ST8SIA6: variants seen among roughly 807,000 people sequenced by gnomAD.
ST8SIA6 encodes ST8 alpha-N-acetyl-neuraminide alpha-2,8-sialyltransferase 6, also known as alpha-2,8-sialyltransferase 8F.
Under a neutral mutation model 33.6 loss-of-function variants are expected in ST8SIA6, and 39 were observed. That is an observed-to-expected ratio of 1.16 (90% CI 0.90 to 1.52). The LOEUF is 1.52. Ranked by LOEUF, ST8SIA6 falls within the 40% of genes most tolerant of loss-of-function variation. The probability of loss-of-function intolerance (pLI) is 0.00; values close to 1 mark genes in which losing one functional copy is unlikely to be tolerated. For synonymous variants in ST8SIA6, 172 were observed against 167.2 expected (o/e 1.03, Z -0.22); for missense variants, 441 against 443.8 (o/e 0.99, Z 0.06).
At chr10:17,333,693 ATATATATATATATATATATATATAT>A (rs1167875374) in intron 4 of ST8SIA6, among the ~76,000 whole-genome samples, 4 of 20,208 alleles carry the variant, frequency 2.0e-4, no homozygotes, top group Non-Finnish European at 2.7e-4. Flanking sequence ...ATATATATAT[ATATATATATATATATATATATATAT>A]TTTTTTTTTT....
chr10:17,370,140 C>G (rs531007358), intron 3 of ST8SIA6, among the ~76,000 whole-genome samples: 1 of 152,192 alleles, frequency 6.6e-6, no homozygotes, highest in Non-Finnish European at 1.5e-5. Flanking sequence ...GCCACCACAC[C>G]TGGCTAATTT....
chr10:17,371,159 A>G (rs998665902), intron 3 of ST8SIA6, among the ~76,000 whole-genome samples: 1 of 152,186 alleles, frequency 6.6e-6, no homozygotes, highest in Non-Finnish European at 1.5e-5. Context: ...GGCCCAAGGA[A>G]CTGACAGGAT....
At chr10:17,428,572 G>A (rs1852006209) in intron 2 of ST8SIA6, among the ~76,000 whole-genome samples, 1 of 152,036 alleles carries the variant, frequency 6.6e-6, no homozygotes, top group East Asian at 1.9e-4. Context: ...CGTTGGAAGG[G>A]CTTCCCGAGG....
At position 17,359,812 on chromosome 10, in the gene ST8SIA6, AT is replaced by A. The variant is rs1405301993; in HGVS notation, c.291-213del. Among the ~76,000 whole-genome samples, 18 of 152,114 alleles carry A rather than the reference AT, an allele frequency of 1.2e-4. 1 individual carries two copies. Among genetic ancestry groups the A allele is most frequent in the Admixed American group, 1.2e-3 (18 of 15,260 alleles). ...TGGTTTAGGGATTTATAATTTGCACATGTCATAAGCCAAGTGTAGTATTAAA... is the reference window on the plus strand; with the variant it reads ...TGGTTTAGGGATTTATAATTTGCACAGTCATAAGCCAAGTGTAGTATTAAA... On this transcript the variant is annotated intron_variant, in intron 3 of 7. Coordinates refer to ENST00000377602, the MANE Select transcript of ST8SIA6 (RefSeq NM_001004470.3).
At chr10:17,401,444 T>C (rs1164401644) in intron 2 of ST8SIA6, among the ~76,000 whole-genome samples, 2 of 152,192 alleles carry the variant, frequency 1.3e-5, no homozygotes, top group African/African-American at 4.8e-5. Context: ...AAAGTTCATA[T>C]GGAACCAAAA....
chr10:17,389,030 T>G (rs1850482973), intron 3 of ST8SIA6, among the ~76,000 whole-genome samples: 1 of 152,230 alleles, frequency 6.6e-6, no homozygotes, highest in East Asian at 1.9e-4. Flanking sequence ...ATGGATCAGC[T>G]GACACCCCCC....
At chr10:17,397,607 C>T (rs1461137318) in intron 2 of ST8SIA6, among the ~76,000 whole-genome samples, 3 of 152,166 alleles carry the variant, frequency 2.0e-5, no homozygotes, top group Non-Finnish European at 2.9e-5. Context: ...AGATGTGCTC[C>T]GTACTCCTTA....
chr10:17,364,720 T>A, intron 3 of ST8SIA6, among the ~76,000 whole-genome samples: 1 of 152,202 alleles, frequency 6.6e-6, no homozygotes. Context: ...AAACCACATG[T>A]GTGCTCCAGC....
chr10:17,451,515 C>G (rs972026967), intron 2 of ST8SIA6, among the ~76,000 whole-genome samples: 2 of 152,168 alleles, frequency 1.3e-5, no homozygotes, highest in Non-Finnish European at 2.9e-5. Flanking sequence ...GCCGACTTCA[C>G]CACTAGGCAA....
chr10:17,407,932 CATGTCACCAAT>C (rs1488330509), intron 2 of ST8SIA6: 4 of 152,576 alleles, frequency 2.6e-5, no homozygotes, highest in Non-Finnish European at 5.9e-5. Context: ...GAGCTCTCAT[CATGTCACCAAT>C]AAGTGTTCTG....
chr10:17,433,469 A>C (rs1852162461), intron 2 of ST8SIA6, among the ~76,000 whole-genome samples: 1 of 152,250 alleles, frequency 6.6e-6, no homozygotes. Flanking sequence ...GCTAACAAAA[A>C]TATAAACATA....
intron 3 of ST8SIA6, among the ~76,000 whole-genome samples, chr10:17,366,171 T>C (rs1250855005): frequency 6.6e-6 from 1 of 152,224 alleles, no homozygotes; most frequent in Non-Finnish European, 1.5e-5. Flanking sequence ...TTTCATCCAC[T>C]AAAGGTAGAA....
intron 2 of ST8SIA6, among the ~76,000 whole-genome samples, chr10:17,422,092 A>G (rs1053815349): frequency 2.0e-5 from 3 of 152,126 alleles, no homozygotes; most frequent in Non-Finnish European, 4.4e-5. Context: ...AATAAAGGAG[A>G]ACACCTAACA....
intron 2 of ST8SIA6, chr10:17,399,308 C>T (rs1291742075): frequency 6.6e-6 from 1 of 152,196 alleles, no homozygotes; most frequent in Admixed American, 6.5e-5. Flanking sequence ...ACCATCTGAG[C>T]TTGCAGAATG....
In ST8SIA6 at chr10:17,320,799, C is replaced by A; in HGVS notation, c.*79G>T. On this transcript the variant is annotated 3_prime_UTR_variant, in exon 8 of 8. Coordinates refer to ENST00000377602, the MANE Select transcript of ST8SIA6 (RefSeq NM_001004470.3). ...GGCTCATCTCAAAATACTCTTTAGC[C>A]ACCTCCTTTGGTGTTTGGAGACATT... The A allele has an allele frequency of 1.4e-6, 2 of 1,469,620 alleles. No homozygotes were observed. Among genetic ancestry groups the A allele is most frequent in the Admixed American group, 3.7e-5 (2 of 53,778 alleles). 91.0% of individuals were successfully genotyped at this position (1,469,620 alleles called of 1,614,324 possible). A position where few individuals can be genotyped will look rare whatever the true frequency, so the allele number is the denominator to read the frequency against.
intron 3 of ST8SIA6, among the ~76,000 whole-genome samples, chr10:17,387,288 G>T (rs1316550504): frequency 6.6e-6 from 1 of 150,800 alleles, no homozygotes; most frequent in Non-Finnish European, 1.5e-5. Flanking sequence ...TTTCGCTCTC[G>T]TCACCCGGGC....
intron 2 of ST8SIA6, among the ~76,000 whole-genome samples, chr10:17,405,667 A>G (rs1851228808): frequency 6.6e-6 from 1 of 151,014 alleles, no homozygotes; most frequent in African/African-American, 2.4e-5. Context: ...GCATTTCACA[A>G]GGTCAGGAGT....
chr10:17,417,473 T>A (rs937860930), intron 2 of ST8SIA6, among the ~76,000 whole-genome samples: 1 of 151,966 alleles, frequency 6.6e-6, no homozygotes, highest in African/African-American at 2.4e-5. Flanking sequence ...CCCCTCAGAG[T>A]GACTTTTGCT....
chr10:17,361,517 AACACACACAC>A (rs35428636), intron 3 of ST8SIA6, among the ~76,000 whole-genome samples: 5 of 146,096 alleles, frequency 3.4e-5, no homozygotes, highest in South Asian at 2.2e-4. Flanking sequence ...CTTCCTACAA[AACACACACAC>A]ACACACACAC....
Sources: gnomAD v4.1 joint callset for allele counts (sites outside exome capture counted in the v4.1 genomes callset) on GRCh38, gnomAD v4.1.1 for gene constraint, MANE v1.5 for transcripts, NCBI Gene and HGNC (gene_info 2026-07-23, HGNC 2026-07-21) for gene names.